SMPD3: variants seen among roughly 807,000 people sequenced by gnomAD.
SMPD3 encodes nSMase-2.
A neutral mutation model predicts 55.7 loss-of-function variants in SMPD3; 21 were observed. That is an observed-to-expected ratio of 0.38 (90% CI 0.27 to 0.54). The LOEUF (loss-of-function observed/expected upper bound fraction) is 0.54, where lower values mean the gene tolerates loss of function less well. Among genes scored for constraint, SMPD3 ranks in the 20% least tolerant of loss-of-function variants. The pLI, the probability that SMPD3 is intolerant of heterozygous loss-of-function variation, is 0.80. For missense variants in SMPD3, 842 were observed against 899.6 expected (o/e 0.94, Z 0.82); for synonymous variants, 457 against 404.3 (o/e 1.13, Z -1.56).
intron 2 of SMPD3, among the ~76,000 whole-genome samples, chr16:68,375,235 G>A (rs2089781492): frequency 7.0e-6 from 1 of 143,708 alleles, no homozygotes; most frequent in Non-Finnish European, 1.5e-5. Context: ...TGTCTTGGGG[G>A]ACAAAGTCCA....
intron 8 of SMPD3, 139 bp from the exon 9 acceptor site, chr16:68,361,446 TG>T: frequency 7.3e-7 from 1 of 1,367,366 alleles, no homozygotes. Context: ...GGATGGGGCC[TG>T]GAGGACCTGG....
chr16:68,365,557 G>A (rs2089453084), intron 3 of SMPD3, among the ~76,000 whole-genome samples: 1 of 152,058 alleles, frequency 6.6e-6, no homozygotes, highest in Non-Finnish European at 1.5e-5. Flanking sequence ...TGGCCTCAGA[G>A]CCCACCCCAC....
At chr16:68,384,504 CAG>C (rs1457360012) in intron 2 of SMPD3, among the ~76,000 whole-genome samples, 1 of 152,200 alleles carries the variant, frequency 6.6e-6, no homozygotes, top group Non-Finnish European at 1.5e-5. Flanking sequence ...AAGCTAAAAA[CAG>C]AACTGAGAGA....
chr16:68,440,652 CA>C (rs759301030), intron 1 of SMPD3, among the ~76,000 whole-genome samples: 1 of 152,250 alleles, frequency 6.6e-6, no homozygotes, highest in Non-Finnish European at 1.5e-5. Context: ...CAACCTGCAA[CA>C]GAGTTGGTAC....
chr16:68,370,722 A>C, intron 3 of SMPD3, 137 bp downstream of exon 3: 19 of 1,168,078 alleles, frequency 1.6e-5, no homozygotes, highest in Non-Finnish European at 2.0e-5. Context: ...GGCTCCAGGA[A>C]AGACCGCGTC....
intron 1 of SMPD3, among the ~76,000 whole-genome samples, chr16:68,389,897 T>G (rs1480188939): frequency 6.6e-6 from 1 of 152,188 alleles, no homozygotes; most frequent in Admixed American, 6.5e-5. Flanking sequence ...AGGAAAGAGT[T>G]CAGGGTGAGT....
chr16:68,397,841 A>G (rs143190854), intron 1 of SMPD3, among the ~76,000 whole-genome samples: 3 of 152,292 alleles, frequency 2.0e-5, no homozygotes, highest in African/African-American at 7.2e-5. Context: ...AGGGCCTCCT[A>G]CAGTGAGCCT....
chr16:68,419,200 G>T (rs565749737), intron 1 of SMPD3, among the ~76,000 whole-genome samples: 123 of 152,350 alleles, frequency 8.1e-4, no homozygotes, highest in African/African-American at 2.9e-3. Context: ...GGGTCGGGGG[G>T]TCTTGGAGGA....
chr16:68,415,370 C>T (rs1481956485), intron 1 of SMPD3, among the ~76,000 whole-genome samples: 1 of 152,074 alleles, frequency 6.6e-6, no homozygotes, highest in African/African-American at 2.4e-5. Context: ...CCTGAGAGGC[C>T]GGGCTCATCA....
At chr16:68,391,332 C>A (rs1313969484) in intron 1 of SMPD3, among the ~76,000 whole-genome samples, 3 of 152,178 alleles carry the variant, frequency 2.0e-5, no homozygotes, top group African/African-American at 7.2e-5. Flanking sequence ...GAAGCCCATT[C>A]ATCTGCCAGT....
At chr16:68,388,354 C>T (rs2090079864) in intron 1 of SMPD3, among the ~76,000 whole-genome samples, 1 of 152,180 alleles carries the variant, frequency 6.6e-6, no homozygotes, top group South Asian at 2.1e-4. Flanking sequence ...ACTCCTGCCT[C>T]TTCACCCACA....
At position 68,439,961 on chromosome 16, in the gene SMPD3, T is replaced by G. The variant is rs527667640; in HGVS notation, c.-269+8392A>C. Among the ~76,000 whole-genome samples, 3 of 152,350 alleles carry G rather than the reference T, an allele frequency of 2.0e-5. No homozygotes were observed. In the South Asian group the frequency reaches 6.2e-4, roughly 32 times the overall value. On this transcript the variant is annotated intron_variant, in intron 1 of 8. Transcript: ENST00000219334. ...ACATGATGGAGAACAATGCCCATTT[T>G]GCTACTTGCCTCATTATCCCAGGAA...
rs781327018 is a variant in SMPD3 at position 68,361,275 on chromosome 16, C to T, written c.1899G>A (p.Leu633=). The T allele has an allele frequency of 1.2e-5, 19 of 1,612,272 alleles. No homozygotes were observed. In the East Asian group the frequency reaches 3.8e-4, roughly 32 times the overall value. Residue 633 remains leucine, a synonymous_variant, in exon 9 of 9, where the codon CTG becomes CTA. Coordinates refer to ENST00000219334, the MANE Select transcript of SMPD3 (RefSeq NM_018667.4). ...EVEEFSFITQ[L]SGLTDHLPVA... ...CTGGCAGGTGGTCCGTCAGGCCGGA[C>T]AGCTGGGTGATAAAACTGAATTCTT...
chr16:68,438,123 T>C (rs2090538137), intron 1 of SMPD3, among the ~76,000 whole-genome samples: 1 of 152,112 alleles, frequency 6.6e-6, no homozygotes, highest in Admixed American at 6.6e-5. Context: ...ATTGCCTGCC[T>C]CCCAGTGCAC....
At chr16:68,416,241 A>T (rs940838678) in intron 1 of SMPD3, among the ~76,000 whole-genome samples, 1 of 152,166 alleles carries the variant, frequency 6.6e-6, no homozygotes, top group Non-Finnish European at 1.5e-5. Flanking sequence ...TGTGAATGAA[A>T]ACTGACATGG....
At chr16:68,434,458 T>C (rs1036620944) in intron 1 of SMPD3, among the ~76,000 whole-genome samples, 1 of 152,244 alleles carries the variant, frequency 6.6e-6, no homozygotes, top group Non-Finnish European at 1.5e-5. Context: ...TTGTCTGATA[T>C]AGCCACTCAC....
chr16:68,368,453 G>A (rs1397084042), intron 3 of SMPD3: 3 of 153,132 alleles, frequency 2.0e-5, no homozygotes, highest in Admixed American at 6.5e-5. Flanking sequence ...CCACAGCAGG[G>A]CTGATGCAGA....
chr16:68,373,630 A>C (rs1243642412), intron 2 of SMPD3, among the ~76,000 whole-genome samples: 3 of 152,076 alleles, frequency 2.0e-5, no homozygotes, highest in East Asian at 1.9e-4. Context: ...GCCTTTCCTC[A>C]GTCCCCATCA....
At chr16:68,411,064 C>T (rs751842710) in intron 1 of SMPD3, among the ~76,000 whole-genome samples, 2 of 152,234 alleles carry the variant, frequency 1.3e-5, no homozygotes, top group Non-Finnish European at 2.9e-5. Flanking sequence ...TTTAAGGAGC[C>T]AGCAGGAAGA....
Sources: gnomAD v4.1 joint callset for allele counts (sites outside exome capture counted in the v4.1 genomes callset) on GRCh38, gnomAD v4.1.1 for gene constraint, MANE v1.5 for transcripts, NCBI Gene and HGNC (gene_info 2026-07-23, HGNC 2026-07-21) for gene names.